ZNF131: variants seen among roughly 807,000 people sequenced by gnomAD.
The protein encoded by ZNF131 is zinc finger and BTB domain containing 35, also known as zinc finger protein 131.
ZNF131 carries 7 observed loss-of-function variants against 60.0 expected under a neutral mutation model. That is an observed-to-expected ratio of 0.12 (90% confidence interval 0.07 to 0.22). The LOEUF (loss-of-function observed/expected upper bound fraction) is 0.22, where lower values mean the gene tolerates loss of function less well. Among genes scored for constraint, ZNF131 ranks in the 10% least tolerant of loss-of-function variants. The probability of loss-of-function intolerance (pLI) is 1.00; values close to 1 mark genes in which losing one functional copy is unlikely to be tolerated. For missense variants in ZNF131, 493 were observed against 740.9 expected, an observed-to-expected ratio of 0.67 and a Z score of 3.88; for synonymous variants, 257 against 253.2, an observed-to-expected ratio of 1.01 and a Z score of -0.14.
intron 4 of ZNF131, among the ~76,000 whole-genome samples, chr5:43,152,701 G>T (rs942314550): frequency 4.6e-5 from 7 of 152,138 alleles, no homozygotes; most frequent in Admixed American, 6.6e-5. Flanking sequence ...TAACTTTCCA[G>T]GCTCAGATGA....
At chr5:43,155,741 A>C (rs1034137739) in intron 4 of ZNF131, among the ~76,000 whole-genome samples, 1 of 152,088 alleles carries the variant, frequency 6.6e-6, no homozygotes, top group African/African-American at 2.4e-5. Context: ...TGTTGGGAGG[A>C]GGATAGGAGA....
intron 2 of ZNF131, 67 bp downstream of exon 2, chr5:43,122,244 GC>G: frequency 5.0e-6 from 6 of 1,210,946 alleles, no homozygotes; most frequent in Admixed American, 3.6e-5. Context: ...TCGGACACCC[GC>G]CTTTTTTTTT....
At chr5:43,122,546 A>AT (rs1027705334) in intron 2 of ZNF131, among the ~76,000 whole-genome samples, 1 of 151,748 alleles carries the variant, frequency 6.6e-6, no homozygotes, top group Non-Finnish European at 1.5e-5. Flanking sequence ...GGAAGTGTTG[A>AT]TTTTTTTTCT....
chr5:43,126,692 C>A (rs535796881), intron 3 of ZNF131, among the ~76,000 whole-genome samples: 9 of 152,268 alleles, frequency 5.9e-5, no homozygotes, highest in Admixed American at 3.9e-4. Flanking sequence ...AATGAATTCC[C>A]TCTTCCATAC....
At position 43,143,611 on chromosome 5, in the gene ZNF131, T is replaced by G. The variant is rs139556553; in HGVS notation, c.371+4302T>G. ...CTGTACAGTCTACATTTTGTGTGTATGGCCACTGAAGTCTGCATAGGTAGT... is the reference window on the plus strand; with the variant it reads ...CTGTACAGTCTACATTTTGTGTGTAGGGCCACTGAAGTCTGCATAGGTAGT... On this transcript the variant is annotated intron_variant, in intron 4 of 6. Transcript: ENST00000682664. 2.0e-3 allele frequency: 470 copies of G among 236,480 alleles called. 2 individuals are homozygous for G. The highest frequency in any genetic ancestry group is 2.9e-3 in the Non-Finnish European group (361 of 122,434). The allele number at this position is 236,480 out of a possible 1,614,324, so 14.6% of individuals were successfully genotyped here.
chr5:43,168,621 G>T (rs772934832), intron 5 of ZNF131, among the ~76,000 whole-genome samples: 1 of 152,182 alleles, frequency 6.6e-6, no homozygotes, highest in African/African-American at 2.4e-5. Context: ...TAATATCTTG[G>T]AAGACTGGGT....
chr5:43,122,415 T>C (rs1384006788), intron 2 of ZNF131, among the ~76,000 whole-genome samples: 1 of 152,190 alleles, frequency 6.6e-6, no homozygotes, highest in Non-Finnish European at 1.5e-5. Flanking sequence ...GTTCATCTCA[T>C]TTTAACTTCT....
intron 4 of ZNF131, among the ~76,000 whole-genome samples, chr5:43,146,387 C>A (rs1460111448): frequency 1.3e-5 from 2 of 152,060 alleles, no homozygotes; most frequent in African/African-American, 4.8e-5. Flanking sequence ...GAGATCGAGA[C>A]CATCCTGGCT....
At chr5:43,150,531 T>C (rs112246379) in intron 4 of ZNF131, among the ~76,000 whole-genome samples, 27,848 of 152,174 alleles carry the variant, frequency 0.18, 2,964 homozygotes, top group Middle Eastern at 0.34. Flanking sequence ...GGCTCATGCC[T>C]GTAATCCCAG....
rs201213457 is a variant in ZNF131, at chr5:43,139,147, T to C, written c.227-18T>C. The C allele has an allele frequency of 1.9e-4, 305 of 1,567,784 alleles. No homozygotes were observed. In the East Asian group the frequency reaches 6.4e-3, roughly 33 times the overall value. Reference sequence around the variant, plus strand: ...GAGTCAATATGATTACATGCTCTAATGTACATCTTCTTTACAGGTGTTAGT... The same window carrying C: ...GAGTCAATATGATTACATGCTCTAACGTACATCTTCTTTACAGGTGTTAGT... On this transcript the variant is annotated intron_variant, in intron 3 of 6. Transcript: ENST00000682664.
At chr5:43,135,700 G>A (rs999189422) in intron 3 of ZNF131, among the ~76,000 whole-genome samples, 1 of 152,138 alleles carries the variant, frequency 6.6e-6, no homozygotes, top group African/African-American at 2.4e-5. Flanking sequence ...GAGCCTGGGC[G>A]ACAGAGCGAG....
chr5:43,161,940 C>T lies in ZNF131; in HGVS notation c.1054+9C>T, dbSNP rs1749735588. 1 of 1,550,584 alleles carries T rather than the reference C, an allele frequency of 6.4e-7. No individual in the cohort carries two copies. The highest frequency in any genetic ancestry group is 2.2e-5 in the Admixed American group (1 of 46,106). ...TCTTCGAAAACATACAGGTAATGAG[C>T]AAATACTTTGTTAAAATTTTTTTTT... is the stretch of plus-strand genomic sequence containing the variant. On this transcript the variant is annotated intron_variant, in intron 5 of 6. Transcript: ENST00000682664.
chr5:43,170,392 TG>T (rs1750833250), intron 5 of ZNF131, among the ~76,000 whole-genome samples: 2 of 152,232 alleles, frequency 1.3e-5, no homozygotes, highest in African/African-American at 4.8e-5. Context: ...TCCTCATTAC[TG>T]GGGCTCCACC....
intron 4 of ZNF131, among the ~76,000 whole-genome samples, chr5:43,142,292 A>C (rs949798060): frequency 3.6e-5 from 5 of 140,492 alleles, no homozygotes; most frequent in Admixed American, 2.1e-4. Context: ...CAGTGAGCTG[A>C]GATCATGCCA....
At chr5:43,127,085 G>A (rs1744649399) in intron 3 of ZNF131, among the ~76,000 whole-genome samples, 1 of 152,038 alleles carries the variant, frequency 6.6e-6, no homozygotes, top group South Asian at 2.1e-4. Context: ...CAGAGTCCTT[G>A]TATATTTGCT....
At chr5:43,149,164 G>T (rs367981991) in intron 4 of ZNF131, among the ~76,000 whole-genome samples, 1 of 152,050 alleles carries the variant, frequency 6.6e-6, no homozygotes, top group East Asian at 1.9e-4. Context: ...CCAGCTACTC[G>T]GGAGGCTGAG....
chr5:43,165,080 A>G (rs1750184427), intron 5 of ZNF131, among the ~76,000 whole-genome samples: 1 of 152,176 alleles, frequency 6.6e-6, no homozygotes, highest in Non-Finnish European at 1.5e-5. Flanking sequence ...CTTCCTGAGT[A>G]GCTGGGACTA....
intron 5 of ZNF131, among the ~76,000 whole-genome samples, chr5:43,167,239 A>G (rs563804690): frequency 3.3e-5 from 5 of 152,302 alleles, no homozygotes; most frequent in Admixed American, 6.5e-5. Flanking sequence ...TTAAATTTAA[A>G]TTTGAAATAT....
intron 5 of ZNF131, among the ~76,000 whole-genome samples, chr5:43,171,900 G>A (rs1341924718): frequency 6.6e-6 from 1 of 152,198 alleles, no homozygotes; most frequent in Non-Finnish European, 1.5e-5. Flanking sequence ...GATTACGGGT[G>A]TGAGCCACCG....
Sources: gnomAD v4.1 joint callset for allele counts (sites outside exome capture counted in the v4.1 genomes callset) on GRCh38, gnomAD v4.1.1 for gene constraint, MANE v1.5 for transcripts, NCBI Gene and HGNC (gene_info 2026-07-23, HGNC 2026-07-21) for gene names.